The following PPP2R2C variants were observed in gnomAD, a reference collection of about 807,000 sequenced individuals.
The protein encoded by PPP2R2C is protein phosphatase 2 regulatory subunit Bgamma.
PPP2R2C carries 10 observed loss-of-function variants against 45.3 expected under a neutral mutation model. The observed-to-expected ratio is 0.22, with a 90% CI of 0.14 to 0.37. PPP2R2C has a LOEUF of 0.37. PPP2R2C is among the 10% of genes least tolerant of loss of function. The pLI is 1.00. For missense variants in PPP2R2C, 308 were observed against 619.7 expected, an observed-to-expected ratio of 0.50 and a Z score of 5.34; for synonymous variants, 257 against 245.4, an observed-to-expected ratio of 1.05 and a Z score of -0.44.
intron 1 of PPP2R2C, among the ~76,000 whole-genome samples, chr4:6,464,152 C>A (rs1245418279): frequency 6.6e-6 from 1 of 152,196 alleles, no homozygotes; most frequent in African/African-American, 2.4e-5. Context: ...TGGGGCATCT[C>A]CAATGAGATG....
chr4:6,549,583 G>A (rs976607047), intron 1 of PPP2R2C, among the ~76,000 whole-genome samples: 1 of 152,192 alleles, frequency 6.6e-6, no homozygotes, highest in African/African-American at 2.4e-5. Context: ...GATAACACCG[G>A]CTCCTTCCTG....
At chr4:6,342,291 G>A (rs77601448) in intron 6 of PPP2R2C, among the ~76,000 whole-genome samples, 1,689 of 152,222 alleles carry the variant, frequency 0.011, 28 homozygotes, top group African/African-American at 0.038. Flanking sequence ...GAAGTTTTGA[G>A]GGAGTCAAAA....
intron 1 of PPP2R2C, among the ~76,000 whole-genome samples, chr4:6,434,882 T>A (rs1021763543): frequency 6.6e-6 from 1 of 152,238 alleles, no homozygotes; most frequent in African/African-American, 2.4e-5. Flanking sequence ...TCCTTTTATG[T>A]AAACCATCTC....
rs887410066 is a variant in PPP2R2C, at chr4:6,384,699, A to C, written c.71-3605T>G. On this transcript the variant is annotated intron_variant, in intron 1 of 8. Transcript: ENST00000382599. ...GGTGGTTACCAGGCAACACACACTA[A>C]TGTCTGTGGGCAATTTACAATTTAT... 6.1e-6 allele frequency: 6 copies of C among 985,322 alleles called. No individual in the cohort carries two copies. In the Admixed American group the frequency reaches 3.7e-4, roughly 61 times the overall value. The allele number at this position is 985,322 out of a possible 1,614,324, so 61.0% of individuals were successfully genotyped here. A position where few individuals can be genotyped will look rare whatever the true frequency, so the allele number is the denominator to read the frequency against.
rs560518203 is a variant in PPP2R2C, at chr4:6,518,799, T to C, written c.49+16472A>G. On this transcript the variant is annotated intron_variant, in intron 2 of 9. Coordinates refer to the PPP2R2C transcript ENST00000506140. ...TTACCCAGGCATAGTGGCACACGCC[T>C]GTAGTCCCAACTACCCAAGAGGCTG... 3.9e-5 allele frequency among the ~76,000 whole-genome samples: 6 copies of C among 152,010 alleles called. No homozygotes were observed. In the South Asian group the frequency reaches 1.0e-3, roughly 26 times the overall value.
chr4:6,377,149 G>C (rs2109305670), intron 3 of PPP2R2C, among the ~76,000 whole-genome samples: 1 of 152,348 alleles, frequency 6.6e-6, no homozygotes, highest in East Asian at 1.9e-4. Flanking sequence ...ATGTTCGGGA[G>C]AGCCTTGGAG....
chr4:6,355,919 G>C (rs1370606328), intron 5 of PPP2R2C, among the ~76,000 whole-genome samples: 2 of 150,126 alleles, frequency 1.3e-5, no homozygotes, highest in African/African-American at 2.4e-5. Context: ...ACTTGAACCT[G>C]GGAGGCAGAG....
chr4:6,510,992 AACAAAC>A lies in PPP2R2C; in HGVS notation c.49+24273_49+24278del, dbSNP rs1560592916. Among the ~76,000 whole-genome samples, 151 of 84,514 alleles carry A rather than the reference AACAAAC, an allele frequency of 1.8e-3. 7 individuals are homozygous for A. In the Middle Eastern group the frequency reaches 0.018, roughly 10 times the overall value. The allele number at this position is 84,514 out of a possible 152,430, so 55.4% of individuals were successfully genotyped here. ...ACTCCGTCTCAAACAAAAAAAAACAAACAAACAAAAAAAAAAACAGAAAATGTTTGT... is the reference window on the plus strand; with the variant it reads ...ACTCCGTCTCAAACAAAAAAAAACAAAAAAAAAAAAACAGAAAATGTTTGT... On this transcript the variant is annotated intron_variant, in intron 2 of 9. Transcript: ENST00000506140.
At chr4:6,447,320 T>C (rs1189237318) in intron 1 of PPP2R2C, among the ~76,000 whole-genome samples, 3 of 152,104 alleles carry the variant, frequency 2.0e-5, no homozygotes, top group African/African-American at 4.8e-5. Flanking sequence ...ACTCCCATTA[T>C]ACAAGTGCTG....
intron 2 of PPP2R2C, among the ~76,000 whole-genome samples, chr4:6,512,359 ATGGTGGTGGTGGTGG>A (rs375130684): frequency 1.8e-4 from 2 of 10,970 alleles, no homozygotes; most frequent in African/African-American, 9.4e-4. Context: ...GATGGTGCTG[ATGGTGGTGGTGGTGG>A]TGGTGGTGGT....
intron 5 of PPP2R2C, chr4:6,350,102 C>A: frequency 1.0e-6 from 1 of 985,416 alleles, no homozygotes; most frequent in Non-Finnish European, 1.2e-6. Flanking sequence ...TAAGGCATCA[C>A]TGCCTGGCTG....
chr4:6,441,605 G>C (rs1350647373), intron 1 of PPP2R2C, among the ~76,000 whole-genome samples: 1 of 152,182 alleles, frequency 6.6e-6, no homozygotes, highest in Non-Finnish European at 1.5e-5. Context: ...TGCTCTGTAC[G>C]TGTCACCTGC....
chr4:6,552,084 C>A (rs1249468449), intron 1 of PPP2R2C, among the ~76,000 whole-genome samples: 1 of 152,218 alleles, frequency 6.6e-6, no homozygotes, highest in Non-Finnish European at 1.5e-5. Context: ...CACATCTGAG[C>A]CTACAGGTCC....
chr4:6,543,858 G>T (rs1055384833), intron 1 of PPP2R2C, among the ~76,000 whole-genome samples: 1 of 152,200 alleles, frequency 6.6e-6, no homozygotes, highest in African/African-American at 2.4e-5. Context: ...ACTGGGGGTG[G>T]TAAAGCCGAG....
intron 2 of PPP2R2C, among the ~76,000 whole-genome samples, chr4:6,504,947 G>T (rs1207340444): frequency 2.0e-5 from 3 of 152,024 alleles, no homozygotes; most frequent in African/African-American, 7.2e-5. Flanking sequence ...AAGAAGTTCA[G>T]CGAATCTCAA....
At chr4:6,462,842 TGAAG>T (rs1560566476) in intron 1 of PPP2R2C, among the ~76,000 whole-genome samples, 1 of 152,156 alleles carries the variant, frequency 6.6e-6, no homozygotes, top group Non-Finnish European at 1.5e-5. Flanking sequence ...GGAGAGTAAA[TGAAG>T]GAAGTACAGC....
chr4:6,479,400 C>T (rs902629014), intron 2 of PPP2R2C, among the ~76,000 whole-genome samples: 4 of 152,114 alleles, frequency 2.6e-5, no homozygotes, highest in Admixed American at 6.5e-5. Context: ...AATGATAAGA[C>T]GAAAGCCCAC....
intron 1 of PPP2R2C, among the ~76,000 whole-genome samples, chr4:6,540,714 T>C (rs916669311): frequency 6.6e-6 from 1 of 152,222 alleles, no homozygotes; most frequent in Non-Finnish European, 1.5e-5. Flanking sequence ...GCTCCACACA[T>C]GTGGTTTCTG....
rs1016663311 is a variant in PPP2R2C, at chr4:6,423,499, C to T, written c.71-42405G>A. ...GATTATAGGCATTAGCCACCACACC[C>T]GGCCCCCACTAGGGATATTTTGGAA... On this transcript the variant is annotated intron_variant, in intron 1 of 8. Transcript: ENST00000382599. 5.9e-5 allele frequency among the ~76,000 whole-genome samples: 9 copies of T among 152,348 alleles called. No individual in the cohort carries two copies. The East Asian group carries it at 7.7e-4, about 13-fold the overall frequency.
Sources: gnomAD v4.1 joint callset for allele counts (sites outside exome capture counted in the v4.1 genomes callset) on GRCh38, gnomAD v4.1.1 for gene constraint, MANE v1.5 for transcripts, NCBI Gene and HGNC (gene_info 2026-07-23, HGNC 2026-07-21) for gene names.